INPP5F: variants seen among roughly 807,000 people sequenced by gnomAD.
The protein encoded by INPP5F is inositol polyphosphate-5-phosphatase F, also known as phosphatidylinositide 4-phosphatase SAC2.
In INPP5F, 97 loss-of-function variants were observed where a neutral mutation model predicts 137.2. That is an observed-to-expected ratio of 0.71 (90% CI 0.60 to 0.84). INPP5F has a LOEUF of 0.84. Among genes scored for constraint, INPP5F ranks in the 40% least tolerant of loss-of-function variants. The probability of loss-of-function intolerance (pLI) is 0.00; values close to 1 mark genes in which losing one functional copy is unlikely to be tolerated. For synonymous variants in INPP5F, 504 were observed against 476.9 expected (o/e 1.06, Z -0.74); for missense variants, 1,271 against 1,371.9 (o/e 0.93, Z 1.16).
At chr10:119,781,829 G>A in intron 3 of INPP5F, 58 bp downstream of exon 3, 1 of 1,408,236 alleles carries the variant, frequency 7.1e-7, no homozygotes, top group East Asian at 2.3e-5. Flanking sequence ...TAGCAAATAT[G>A]AGGATTTGGT....
intron 3 of INPP5F, among the ~76,000 whole-genome samples, chr10:119,785,284 C>CTTTTTTTTTTTTTTTTTTTT (rs1440327192): frequency 1.2e-5 from 1 of 81,608 alleles, no homozygotes; most frequent in South Asian, 7.4e-4. Flanking sequence ...AACTGCCAGA[C>CTTTTTTTTTTTTTTTTTTTT]TGTTTTTTTT....
At chr10:119,806,985 T>G (rs1850818786) in intron 12 of INPP5F, among the ~76,000 whole-genome samples, 2 of 151,894 alleles carry the variant, frequency 1.3e-5, no homozygotes, top group Non-Finnish European at 2.9e-5. Context: ...AAATGTGGTG[T>G]GTAGGCTGGG....
chr10:119,795,813 C>T (rs61867939), intron 6 of INPP5F, among the ~76,000 whole-genome samples: 51,409 of 152,002 alleles, frequency 0.34, 9,103 homozygotes, highest in South Asian at 0.42. Flanking sequence ...AACGAGACTC[C>T]GTCTGCAATC....
chr10:119,804,143 TA>T, intron 9 of INPP5F, 29 bp from the exon 10 acceptor site: 1 of 1,523,220 alleles, frequency 6.6e-7, no homozygotes, highest in Non-Finnish European at 8.9e-7. Flanking sequence ...AAAATCTAAC[TA>T]AATTTTTTCT....
intron 9 of INPP5F, among the ~76,000 whole-genome samples, chr10:119,802,605 TG>T (rs1850631486): frequency 6.6e-6 from 1 of 152,236 alleles, no homozygotes; most frequent in South Asian, 2.1e-4. Context: ...CTAGTTATTT[TG>T]CTATTATAAA....
At chr10:119,794,273 G>A (rs907669657) in intron 6 of INPP5F, among the ~76,000 whole-genome samples, 26 of 152,200 alleles carry the variant, frequency 1.7e-4, no homozygotes, top group Admixed American at 1.6e-3. Flanking sequence ...ATCTTGCACC[G>A]CCCTTAATCC....
chr10:119,749,902 C>G (rs1365451898), intron 1 of INPP5F, among the ~76,000 whole-genome samples: 1 of 152,188 alleles, frequency 6.6e-6, no homozygotes, highest in Non-Finnish European at 1.5e-5. Context: ...CCTCAGCCTC[C>G]TGAGTAGCTG....
At chr10:119,784,026 T>TAG (rs993998007) in intron 3 of INPP5F, among the ~76,000 whole-genome samples, 2 of 152,224 alleles carry the variant, frequency 1.3e-5, no homozygotes, top group African/African-American at 4.8e-5. Flanking sequence ...TTCCTTTTAA[T>TAG]CCTGTTTTAT....
At chr10:119,767,671 C>T (rs1216682498) in intron 2 of INPP5F, among the ~76,000 whole-genome samples, 2 of 152,148 alleles carry the variant, frequency 1.3e-5, no homozygotes, top group African/African-American at 4.8e-5. Flanking sequence ...TGCTTACTTT[C>T]AAGACAAATG....
At chr10:119,819,208 A>C in intron 15 of INPP5F, 1 of 196,836 alleles carries the variant, frequency 5.1e-6, no homozygotes, top group Non-Finnish European at 7.5e-6. Flanking sequence ...TCTTGTTCGT[A>C]TTGAACGTGC....
chr10:119,826,168 C>CA (rs1413518674), intron 19 of INPP5F: 2 of 396,634 alleles, frequency 5.0e-6, no homozygotes, highest in African/African-American at 2.1e-5. Context: ...GCTGATTGTA[C>CA]AGATGGTGGC....
Position 119,823,075 on chromosome 10 carries a change from T to C in INPP5F, c.2037T>C (p.Pro679=). The part of the protein sequence containing the change: ...LENLEKIEIG[P]EPTLFGKPKF... ...CGTATTCATTTGGGATTTTAGGCCCTGAACCCACTCTTTTTGGTAAGCCAA... is the reference window on the plus strand; with the variant it reads ...CGTATTCATTTGGGATTTTAGGCCCCGAACCCACTCTTTTTGGTAAGCCAA... The change falls in exon 18 of 20, where the codon CCT becomes CCC. Residue 679 remains proline, a synonymous_variant. Coordinates refer to ENST00000650623, the MANE Select transcript of INPP5F (RefSeq NM_014937.4). 1 of 1,612,910 alleles carries C rather than the reference T, an allele frequency of 6.2e-7. No homozygotes were observed. The highest frequency in any genetic ancestry group is 8.5e-7 in the Non-Finnish European group (1 of 1,179,522).
At position 119,827,521 on chromosome 10, in the gene INPP5F, T is replaced by TTGAACTTGAGACGCA; in HGVS notation, c.3152_3153insGCATGAACTTGAGAC (p.Thr1051_Gly1052insHisGluLeuGluThr). The TTGAACTTGAGACGCA allele has an allele frequency of 6.2e-7, 1 of 1,614,048 alleles. No homozygotes were observed. Among genetic ancestry groups the TTGAACTTGAGACGCA allele is most frequent in the Non-Finnish European group, 8.5e-7 (1 of 1,179,966 alleles). ...ACCCCCACCTCCGCTTCCAGCATGC[T>TTGAACTTGAGACGCA]TGAACTTGAGACAGGGCTTCATGTA... On this transcript the variant is annotated inframe_insertion, in exon 20 of 20. Transcript: ENST00000650623.
rs1851777168 is a variant in INPP5F at position 119,826,793 on chromosome 10, A to G, written c.2412A>G (p.Gly804=). 3 of 1,613,648 alleles carry G rather than the reference A, an allele frequency of 1.9e-6. No homozygotes were observed. The highest frequency in any genetic ancestry group is 2.5e-6 in the Non-Finnish European group (3 of 1,179,948). ...ATATTGGCAACCTCCGAAAGCTAGGAAACTTTACCAAACCTGAAATGAAAG... is the reference window on the plus strand; with the variant it reads ...ATATTGGCAACCTCCGAAAGCTAGGGAACTTTACCAAACCTGAAATGAAAG... The part of the protein sequence containing the change: ...NVNIGNLRKL[G]NFTKPEMKVN... Residue 804 remains glycine, a synonymous_variant, in exon 20 of 20, where the codon GGA becomes GGG. Coordinates refer to ENST00000650623, the MANE Select transcript of INPP5F (RefSeq NM_014937.4).
At chr10:119,774,282 A>C (rs1200044653) in intron 2 of INPP5F, among the ~76,000 whole-genome samples, 47 of 144,002 alleles carry the variant, frequency 3.3e-4, no homozygotes, top group Admixed American at 2.9e-3. Flanking sequence ...AAAAAAAAAA[A>C]ACTCCCTAGA....
rs772959387 is a variant in INPP5F, at chr10:119,756,995, G to C, written c.178+5839G>C. Among the ~76,000 whole-genome samples the C allele has an allele frequency of 5.1e-4, 77 of 152,256 alleles. 1 individual carries two copies. The highest frequency in any genetic ancestry group is 3.4e-3 in the Middle Eastern group (1 of 292). ...TTTGCAGGCAGGTGGATTTCAGCCA[G>C]GGTGTAATGTAGTCTGTCTTCCGAC... On this transcript the variant is annotated intron_variant, in intron 2 of 19. Coordinates refer to ENST00000650623, the MANE Select transcript of INPP5F (RefSeq NM_014937.4).
chr10:119,726,461 C>G (rs1307375710), intron 1 of INPP5F, 102 bp downstream of exon 1: 2 of 559,558 alleles, frequency 3.6e-6, no homozygotes, highest in Admixed American at 4.9e-5. Context: ...GCCTGCGGGC[C>G]TGGTGAGGCG....
chr10:119,771,845 G>GAGAGATATATAT (rs1445944351), intron 2 of INPP5F, among the ~76,000 whole-genome samples: 2 of 32,792 alleles, frequency 6.1e-5, no homozygotes, highest in East Asian at 9.0e-4. Flanking sequence ...AAAGTATGGA[G>GAGAGATATATAT]ATATATATAT....
At position 119,777,394 on chromosome 10, in the gene INPP5F, C is replaced by T. The variant is rs143452911; in HGVS notation, c.179-4241C>T. Reference sequence around the variant, plus strand: ...CACAAAAATTAGCCAGGCGTGGTGGCGGGCGCCTGTAGTCCCAGCCACTTG... The same window carrying T: ...CACAAAAATTAGCCAGGCGTGGTGGTGGGCGCCTGTAGTCCCAGCCACTTG... On this transcript the variant is annotated intron_variant, in intron 2 of 19. Transcript: ENST00000650623. Among the ~76,000 whole-genome samples the T allele has an allele frequency of 2.7e-3, 418 of 152,206 alleles. 3 individuals carry two copies. The highest frequency in any genetic ancestry group is 9.4e-3 in the African/African-American group (388 of 41,492).
Sources: gnomAD v4.1 joint callset for allele counts (sites outside exome capture counted in the v4.1 genomes callset) on GRCh38, gnomAD v4.1.1 for gene constraint, MANE v1.5 for transcripts, NCBI Gene and HGNC (gene_info 2026-07-23, HGNC 2026-07-21) for gene names.